Variants in KIAA1671 observed in about 807,000 individuals in gnomAD.
KIAA1671 encodes the protein KIAA1671, also known as uncharacterized protein KIAA1671.
KIAA1671 carries 52 observed loss-of-function variants against 131.2 expected under a neutral mutation model. The ratio of observed to expected loss-of-function variants is 0.40; its 90% CI spans 0.32 to 0.50. The LOEUF (loss-of-function observed/expected upper bound fraction) is 0.50. KIAA1671 is among the 20% of genes least tolerant of loss of function. The probability of loss-of-function intolerance (pLI) is 0.73; values close to 1 mark genes in which losing one functional copy is unlikely to be tolerated. For synonymous variants in KIAA1671, 1,003 were observed against 961.6 expected, an observed-to-expected ratio of 1.04 and a Z score of -0.80; for missense variants, 2,360 against 2,364.2, an observed-to-expected ratio of 1.00 and a Z score of 0.04.
At chr22:25,033,041 A>C (rs1286140544) in intron 4 of KIAA1671, among the ~76,000 whole-genome samples, 3 of 152,102 alleles carry the variant, frequency 2.0e-5, no homozygotes, top group Non-Finnish European at 2.9e-5. Context: ...AAGGTCCTTC[A>C]TAGTGGTTCT....
chr22:25,021,520 G>T (rs1925666433), intron 1 of KIAA1671, among the ~76,000 whole-genome samples: 1 of 149,256 alleles, frequency 6.7e-6, no homozygotes, highest in Non-Finnish European at 1.5e-5. Flanking sequence ...CATTCCATGG[G>T]AACAGGGTTT....
chr22:25,064,683 C>A (rs1436338279), intron 6 of KIAA1671: 1 of 152,234 alleles, frequency 6.6e-6, no homozygotes, highest in Non-Finnish European at 1.5e-5. Context: ...TGAAGATGGG[C>A]ACATGTCTGG....
intron 6 of KIAA1671, among the ~76,000 whole-genome samples, chr22:25,086,430 C>T (rs893016802): frequency 2.0e-5 from 3 of 152,178 alleles, no homozygotes; most frequent in African/African-American, 4.8e-5. Flanking sequence ...TTGAGCTGAA[C>T]GCAGGAGTGA....
At chr22:25,136,304 T>G (rs1324695512) in intron 6 of KIAA1671, among the ~76,000 whole-genome samples, 2 of 152,200 alleles carry the variant, frequency 1.3e-5, no homozygotes, top group Admixed American at 6.5e-5. Context: ...GCTTTTCAGA[T>G]GAAGAAATCA....
chr22:25,122,847 C>T (rs140370944), intron 6 of KIAA1671, among the ~76,000 whole-genome samples: 33 of 152,136 alleles, frequency 2.2e-4, no homozygotes, highest in South Asian at 6.3e-4. Flanking sequence ...TGATGGTGGG[C>T]GCCTGTAGTC....
chr22:24,997,360 T>C (rs1442122923), intron 1 of KIAA1671, among the ~76,000 whole-genome samples: 1 of 152,222 alleles, frequency 6.6e-6, no homozygotes, highest in Non-Finnish European at 1.5e-5. Flanking sequence ...AGAAGGCGAC[T>C]GGCAGCTTTC....
intron 1 of KIAA1671, among the ~76,000 whole-genome samples, chr22:25,007,374 T>C (rs918018099): frequency 6.6e-6 from 1 of 151,804 alleles, no homozygotes; most frequent in South Asian, 2.1e-4. Flanking sequence ...TAGTCTCAGC[T>C]ACTGGGGAAG....
chr22:25,177,315 T>C (rs1047361933), intron 8 of KIAA1671, 33 bp from the exon 9 acceptor site: 2 of 1,525,776 alleles, frequency 1.3e-6, no homozygotes, highest in Non-Finnish European at 8.8e-7. Flanking sequence ...GTTCCCTTGA[T>C]TTTTTTCCTC....
At chr22:25,093,764 C>CTG (rs1930202157) in intron 6 of KIAA1671, among the ~76,000 whole-genome samples, 1 of 107,628 alleles carries the variant, frequency 9.3e-6, no homozygotes, top group Non-Finnish European at 2.0e-5. Context: ...CTCTCTCTCT[C>CTG]TCTGTCTCTC....
intron 1 of KIAA1671, among the ~76,000 whole-genome samples, chr22:25,017,154 G>T (rs1016371886): frequency 2.0e-5 from 3 of 152,098 alleles, no homozygotes; most frequent in Non-Finnish European, 4.4e-5. Flanking sequence ...AGGCTGAGGT[G>T]GGTGGATCAC....
chr22:25,038,765 G>A lies in KIAA1671; in HGVS notation c.1635G>A (p.Lys545=). The A allele has an allele frequency of 6.5e-7, 1 of 1,526,748 alleles. No homozygotes were observed. The highest frequency in any genetic ancestry group is 8.9e-7 in the Non-Finnish European group (1 of 1,128,452). 94.6% of individuals were successfully genotyped at this position (1,526,748 alleles called of 1,614,324 possible). The change falls in exon 5 of 13, where the codon AAG becomes AAA. Residue 545 remains lysine (K), a synonymous_variant. Coordinates refer to ENST00000358431, the MANE Select transcript of KIAA1671 (RefSeq NM_001145206.2). ...TTCTTTTTGTTTCTTTCCAGCAAAA[G>A]GAGGGGCACAGTTTGGATGGAGCAT... ...EFPKEPREKQ[K]EGHSLDGACI...
intron 1 of KIAA1671, among the ~76,000 whole-genome samples, chr22:24,964,144 C>T (rs746146347): frequency 3.3e-5 from 5 of 152,012 alleles, no homozygotes; most frequent in Non-Finnish European, 7.4e-5. Flanking sequence ...GCCTGGCCAA[C>T]GTGGCAAAAC....
chr22:25,093,796 CTCTCTCTCTCTCTCTG>C (rs1568951342), intron 6 of KIAA1671, among the ~76,000 whole-genome samples: 3 of 141,588 alleles, frequency 2.1e-5, no homozygotes, highest in Non-Finnish European at 3.1e-5. Context: ...CTCTCTCTCT[CTCTCTCTCTCTCTCTG>C]TCTCTCTCTC....
intron 1 of KIAA1671, among the ~76,000 whole-genome samples, chr22:25,003,552 C>T (rs1413435538): frequency 6.6e-6 from 1 of 151,826 alleles, no homozygotes; most frequent in Non-Finnish European, 1.5e-5. Flanking sequence ...GCTGGGACTA[C>T]AGGCACCTGC....
At chr22:24,988,177 G>A (rs2123841360) in intron 1 of KIAA1671, among the ~76,000 whole-genome samples, 1 of 152,088 alleles carries the variant, frequency 6.6e-6, no homozygotes, top group East Asian at 1.9e-4. Context: ...CTACTTGGGA[G>A]GCTGAGGCAG....
chr22:25,107,562 C>T (rs1257258449), intron 6 of KIAA1671, among the ~76,000 whole-genome samples: 1 of 131,894 alleles, frequency 7.6e-6, no homozygotes, highest in African/African-American at 2.9e-5. Flanking sequence ...GCAGCCTTAA[C>T]TTCCCAGGCT....
intron 1 of KIAA1671, among the ~76,000 whole-genome samples, chr22:24,963,120 T>C (rs1434807791): frequency 2.0e-5 from 3 of 152,010 alleles, no homozygotes; most frequent in Admixed American, 6.5e-5. Flanking sequence ...GTGTCATGCA[T>C]TGGGAGGCCG....
chr22:25,065,623 T>G (rs575838019), intron 6 of KIAA1671, among the ~76,000 whole-genome samples: 1 of 151,900 alleles, frequency 6.6e-6, no homozygotes, highest in Non-Finnish European at 1.5e-5. Flanking sequence ...CAACTTTTTT[T>G]AAAGAATTAT....
At chr22:25,042,313 G>A (rs1926976177) in intron 5 of KIAA1671, among the ~76,000 whole-genome samples, 1 of 152,088 alleles carries the variant, frequency 6.6e-6, no homozygotes, top group Non-Finnish European at 1.5e-5. Context: ...ATAGCCTGTT[G>A]TATCCTGTTC....
Sources: allele counts gnomAD v4.1 joint callset (sites outside exome capture counted in the v4.1 genomes callset), GRCh38; gene constraint gnomAD v4.1.1; transcripts MANE v1.5; gene names NCBI Gene and HGNC (gene_info 2026-07-23, HGNC 2026-07-21).